The following LRRC4C variants were observed in gnomAD, a reference collection of about 807,000 sequenced individuals.
LRRC4C encodes leucine rich repeat containing 4C, also known as leucine-rich repeat-containing protein 4C.
Under a neutral mutation model 33.6 loss-of-function variants are expected in LRRC4C, and 5 were observed. The ratio of observed to expected loss-of-function variants is 0.15; its 90% CI spans 0.08 to 0.31. The LOEUF (loss-of-function observed/expected upper bound fraction) is 0.31, where lower values mean the gene tolerates loss of function less well. LRRC4C is among the 10% of genes least tolerant of loss of function. The pLI is 1.00. For synonymous variants in LRRC4C, 329 were observed against 302.0 expected, an observed-to-expected ratio of 1.09 and a Z score of -0.93; for missense variants, 560 against 796.7, an observed-to-expected ratio of 0.70 and a Z score of 3.58.
intron 1 of LRRC4C, among the ~76,000 whole-genome samples, chr11:41,270,364 G>A (rs1949281522): frequency 6.6e-6 from 1 of 151,960 alleles, no homozygotes; most frequent in South Asian, 2.1e-4. Flanking sequence ...ACCAACTATT[G>A]CTAGTCTTAT....
intron 2 of LRRC4C, among the ~76,000 whole-genome samples, chr11:40,840,270 T>A (rs544390220): frequency 6.6e-5 from 10 of 152,274 alleles, no homozygotes; most frequent in African/African-American, 2.4e-4. Flanking sequence ...TGCACAGTGA[T>A]ATTGTGTTTC....
At chr11:41,247,858 G>T (rs773898860) in intron 1 of LRRC4C, among the ~76,000 whole-genome samples, 3 of 152,052 alleles carry the variant, frequency 2.0e-5, no homozygotes, top group African/African-American at 7.2e-5. Flanking sequence ...GAAGTTCCAC[G>T]CTGGCCCATT....
intron 1 of LRRC4C, among the ~76,000 whole-genome samples, chr11:41,136,688 T>A (rs1943276386): frequency 6.6e-6 from 1 of 152,184 alleles, no homozygotes; most frequent in African/African-American, 2.4e-5. Context: ...TCCACGTCTA[T>A]GCACATCTCG....
intron 3 of LRRC4C, among the ~76,000 whole-genome samples, chr11:40,621,168 T>C (rs1327799703): frequency 1.3e-5 from 2 of 151,818 alleles, no homozygotes; most frequent in Non-Finnish European, 2.9e-5. Context: ...TCTTCATCCA[T>C]ATAGGAAATC....
intron 1 of LRRC4C, among the ~76,000 whole-genome samples, chr11:41,012,898 G>A (rs180955269): frequency 9.9e-5 from 15 of 152,128 alleles, no homozygotes; most frequent in Admixed American, 6.5e-5. Context: ...TTTAAGAATT[G>A]TCTATTCAGA....
intron 3 of LRRC4C, among the ~76,000 whole-genome samples, chr11:40,598,379 T>A (rs914135915): frequency 6.6e-5 from 10 of 152,192 alleles, no homozygotes; most frequent in Admixed American, 2.6e-4. Flanking sequence ...ATAGCATCTG[T>A]CACCTTTGAG....
At chr11:41,259,612 C>T (rs935078824) in intron 1 of LRRC4C, among the ~76,000 whole-genome samples, 3 of 151,966 alleles carry the variant, frequency 2.0e-5, no homozygotes, top group Non-Finnish European at 2.9e-5. Flanking sequence ...AAGTAAATCA[C>T]TCTATTGTGA....
intron 3 of LRRC4C, among the ~76,000 whole-genome samples, chr11:40,352,177 C>A (rs1249884369): frequency 7.2e-6 from 1 of 138,978 alleles, no homozygotes; most frequent in Non-Finnish European, 1.6e-5. Context: ...CCTTTCCTTC[C>A]TTTCCTTCCT....
intron 2 of LRRC4C, among the ~76,000 whole-genome samples, chr11:40,780,128 A>T (rs1487368668): frequency 6.6e-6 from 1 of 152,168 alleles, no homozygotes; most frequent in African/African-American, 2.4e-5. Context: ...AAATATTAAA[A>T]GATACACATC....
chr11:41,047,523 C>T (rs1391798650), intron 1 of LRRC4C, among the ~76,000 whole-genome samples: 1 of 152,018 alleles, frequency 6.6e-6, no homozygotes, highest in East Asian at 1.9e-4. Context: ...AACTAACAAA[C>T]TTTACATATA....
chr11:40,373,400 G>T (rs1948535519), intron 3 of LRRC4C, among the ~76,000 whole-genome samples: 1 of 151,772 alleles, frequency 6.6e-6, no homozygotes, highest in Non-Finnish European at 1.5e-5. Context: ...AATGAGAGAA[G>T]ACATTTGCAA....
intron 2 of LRRC4C, among the ~76,000 whole-genome samples, chr11:40,849,980 A>C (rs1953400163): frequency 6.6e-6 from 1 of 151,676 alleles, no homozygotes; most frequent in Admixed American, 6.6e-5. Flanking sequence ...CAGCTCCATC[A>C]GGTCATTTAT....
chr11:41,194,231 T>G (rs1374484318), intron 1 of LRRC4C, among the ~76,000 whole-genome samples: 1 of 152,120 alleles, frequency 6.6e-6, no homozygotes, highest in Non-Finnish European at 1.5e-5. Context: ...AGGCATTCAG[T>G]CAACAGTAGG....
In LRRC4C at chr11:40,161,422, A is replaced by G. The variant is rs1417191787; in HGVS notation, c.-95-20569T>C. Among the ~76,000 whole-genome samples, 3 of 152,344 alleles carry G rather than the reference A, an allele frequency of 2.0e-5. No homozygotes were observed. In the East Asian group the frequency reaches 5.8e-4, roughly 29 times the overall value. Reference sequence around the variant, plus strand: ...TTTTAAAGTATCTGGTATTTCTAAAATAGCTCATGAAAGAAAAATACATTT... The same window carrying G: ...TTTTAAAGTATCTGGTATTTCTAAAGTAGCTCATGAAAGAAAAATACATTT... On this transcript the variant is annotated intron_variant, in intron 5 of 6. Transcript: ENST00000528697.
At position 40,323,393 on chromosome 11, in the gene LRRC4C, C is replaced by T. The variant is rs543792045; in HGVS notation, c.-269-3672G>A. Among the ~76,000 whole-genome samples, 323 of 152,248 alleles carry T rather than the reference C, an allele frequency of 2.1e-3. 1 individual carries two copies. Among genetic ancestry groups the T allele is most frequent in the African/African-American group, 7.4e-3 (307 of 41,548 alleles). Reference sequence around the variant, plus strand: ...ATGAGAAGCTCAATGTGAATTATGGCGCTTTGGATGTTTAGGACGATGTCT... The same window carrying T: ...ATGAGAAGCTCAATGTGAATTATGGTGCTTTGGATGTTTAGGACGATGTCT... On this transcript the variant is annotated intron_variant, in intron 3 of 6. Coordinates refer to ENST00000528697, the MANE Select transcript of LRRC4C (RefSeq NM_001258419.2).
intron 3 of LRRC4C, among the ~76,000 whole-genome samples, chr11:40,612,482 T>C (rs1053507323): frequency 1.3e-5 from 2 of 151,902 alleles, no homozygotes; most frequent in Admixed American, 6.6e-5. Flanking sequence ...AATGTGCATA[T>C]AGTTAGCAAA....
intron 3 of LRRC4C, among the ~76,000 whole-genome samples, chr11:40,538,293 C>A (rs996916184): frequency 1.3e-5 from 2 of 151,952 alleles, no homozygotes; most frequent in Non-Finnish European, 2.9e-5. Context: ...TTCCCCCCAA[C>A]CCACACAGGC....
intron 1 of LRRC4C, among the ~76,000 whole-genome samples, chr11:40,943,624 A>G (rs1958255007): frequency 6.6e-6 from 1 of 152,182 alleles, no homozygotes. Flanking sequence ...TTCTAATACA[A>G]CCTGTGTTAT....
At chr11:40,854,822 T>A (rs1232442577) in intron 2 of LRRC4C, among the ~76,000 whole-genome samples, 3 of 151,860 alleles carry the variant, frequency 2.0e-5, no homozygotes, top group Admixed American at 2.0e-4. Context: ...TTATATATTA[T>A]CTTGTGTTTT....
Sources: allele counts gnomAD v4.1 joint callset (sites outside exome capture counted in the v4.1 genomes callset), GRCh38; gene constraint gnomAD v4.1.1; transcripts MANE v1.5; gene names NCBI Gene and HGNC (gene_info 2026-07-23, HGNC 2026-07-21).